HAVCR1: variants seen among roughly 807,000 people sequenced by gnomAD.
HAVCR1 encodes hepatitis A virus cellular receptor 1, also known as T cell immunoglobin domain and mucin domain protein 1.
HAVCR1 carries 34 observed loss-of-function variants against 32.0 expected under a neutral mutation model. The ratio of observed to expected loss-of-function variants is 1.06; its 90% confidence interval spans 0.81 to 1.42. HAVCR1 has a LOEUF of 1.42. Ranked by LOEUF, HAVCR1 falls within the 40% of genes most tolerant of loss-of-function variation. The pLI is 0.00. For missense variants in HAVCR1, 420 were observed against 442.3 expected (o/e 0.95, Z 0.45); for synonymous variants, 178 against 170.3 (o/e 1.05, Z -0.35).
At chr5:157,058,505 C>T (rs1351106700) in intron 1 of HAVCR1, 3 of 152,588 alleles carry the variant, frequency 2.0e-5, no homozygotes, top group Non-Finnish European at 2.9e-5. Context: ...GCGGAGCTTG[C>T]GGTGAGCCGA....
the HAVCR1 span, among the ~76,000 whole-genome samples, chr5:157,068,746 G>A: frequency 5.3e-5 from 8 of 151,098 alleles, no homozygotes; most frequent in East Asian, 1.4e-3. Context: ...CCCAGTAACT[G>A]AGACTGCAAG....
rs1227310282 is a variant in HAVCR1 at position 157,057,898 on chromosome 5, C to G, written c.46G>C (p.Asp16His). The G allele has an allele frequency of 1.2e-6, 2 of 1,612,744 alleles. No individual in the cohort carries two copies. The highest frequency in any genetic ancestry group is 1.7e-5 in the Admixed American group (1 of 60,004). ...VILSLILHLADSVAGSVKVGG... is the reference protein window; with the variant it reads ...VILSLILHLAHSVAGSVKVGG... ...CCGCCCAGGGCACCTACTCACTTAC[C>G]TGCCAGATGTAGGATGAGGCTTAAG... The change falls in exon 2 of 9, where the codon GAT becomes CAT. Residue 16 changes from aspartate (D) to histidine (H), a missense_variant and splice_region_variant. Coordinates refer to ENST00000523175, the MANE Select transcript of HAVCR1 (RefSeq NM_001173393.3).
intron 3 of HAVCR1, among the ~76,000 whole-genome samples, chr5:157,054,345 A>G (rs1395230815): frequency 2.0e-5 from 3 of 151,866 alleles, no homozygotes; most frequent in African/African-American, 7.3e-5. Flanking sequence ...ACTAACACAA[A>G]ATACAAAAAC....
At chr5:157,056,142 C>T (rs1315385905) in intron 2 of HAVCR1, among the ~76,000 whole-genome samples, 2 of 149,056 alleles carry the variant, frequency 1.3e-5, no homozygotes, top group Admixed American at 1.3e-4. Flanking sequence ...TAGAGACAGG[C>T]TAGTCTTGAA....
intron 1 of HAVCR1, chr5:157,058,210 C>T: frequency 2.4e-6 from 1 of 425,246 alleles, no homozygotes; most frequent in Non-Finnish European, 4.3e-6. Context: ...CAGCTTCTTC[C>T]CCACACATAA....
At chr5:157,044,615 G>GAAAGAAAGAAAGAAAGAAAGAGAAAGAA (rs760337335) in intron 5 of HAVCR1, among the ~76,000 whole-genome samples, 9 of 52,714 alleles carry the variant, frequency 1.7e-4, no homozygotes, top group East Asian at 5.4e-4. Context: ...AAGAAAGAAA[G>GAAAGAAAGAAAGAAAGAAAGAGAAAGAA]AGAAAGAAAG....
Position 157,042,569 on chromosome 5 carries a change from G to A in HAVCR1, c.837+58C>T, listed in dbSNP as rs1037663441. ...CAGACATAGTCTTTAAATGTAACTT[G>A]CTTCCAAGGAGATATACAAGTGAAT... On this transcript the variant is annotated intron_variant, in intron 6 of 8. Transcript: ENST00000523175. 31 of 1,002,842 alleles carry A rather than the reference G, an allele frequency of 3.1e-5. No homozygotes were observed. In the East Asian group the frequency reaches 7.7e-4, roughly 25 times the overall value. 62.1% of individuals were successfully genotyped at this position (1,002,842 alleles called of 1,614,324 possible).
chr5:157,037,464 C>T lies in HAVCR1; in HGVS notation c.838-103G>A, dbSNP rs1754608014. On this transcript the variant is annotated intron_variant, in intron 6 of 8. Transcript: ENST00000523175. Reference sequence around the variant, plus strand: ...CCAGCCACATTTACCTGTATTGGTGCTTGGGGACTTCTGGAACATAAGGGT... The same window carrying T: ...CCAGCCACATTTACCTGTATTGGTGTTTGGGGACTTCTGGAACATAAGGGT... 7.8e-6 allele frequency: 5 copies of T among 641,656 alleles called. No homozygotes were observed. The Admixed American group carries it at 1.1e-4, about 14-fold the overall frequency. 39.7% of individuals were successfully genotyped at this position (641,656 alleles called of 1,614,324 possible).
At chr5:157,046,413 C>T (rs1755399535) in intron 5 of HAVCR1, among the ~76,000 whole-genome samples, 1 of 152,142 alleles carries the variant, frequency 6.6e-6, no homozygotes, top group African/African-American at 2.4e-5. Context: ...TTCTCCATCA[C>T]AAGGAAAGAC....
chr5:157,057,415 GAAAGAAAGA>G (rs1756254997), intron 2 of HAVCR1, among the ~76,000 whole-genome samples: 1 of 130,812 alleles, frequency 7.6e-6, no homozygotes, highest in African/African-American at 2.8e-5. Context: ...AAGAAAGAAA[GAAAGAAAGA>G]AAGAAAGAAA....
chr5:157,052,559 TCATTGGAACAGTCG>T lies in HAVCR1; in HGVS notation c.461_474del (p.Thr154AsnfsTer65). 5 of 250,876 alleles carry T rather than the reference TCATTGGAACAGTCG, an allele frequency of 2.0e-5. No individual in the cohort carries two copies. The highest frequency in any genetic ancestry group is 2.8e-5 in the Non-Finnish European group (5 of 177,676). 15.5% of individuals were successfully genotyped at this position (250,876 alleles called of 1,614,324 possible). ...GGAACAGTTGTCGTTGGAACAGTCG[TCATTGGAACAGTCG>T]TTGTCGTTGGAACAGTGGTGCTCGT... On this transcript the variant is annotated frameshift_variant, in exon 4 of 9. Transcript: ENST00000523175. LOFTEE classifies it high-confidence loss of function.
At chr5:157,032,708 A>T (rs1215885190) in intron 8 of HAVCR1, 146 bp downstream of exon 8, 9 of 637,446 alleles carry the variant, frequency 1.4e-5, no homozygotes. Context: ...TATCACTGGA[A>T]GGTGTAAATA....
chr5:157,045,100 C>T (rs138901880), intron 5 of HAVCR1, among the ~76,000 whole-genome samples: 164 of 151,990 alleles, frequency 1.1e-3, no homozygotes, highest in African/African-American at 3.7e-3. Flanking sequence ...GATATACATA[C>T]CTATGATAAA....
At position 157,055,360 on chromosome 5, in the gene HAVCR1, C is replaced by T; in HGVS notation, c.220G>A (p.Asp74Asn). ...TNGTHVTYRK[D>N]TRYKLLGDLS... ...TCCCCCAATAGCTTATAGCGTGTGT[C>T]CTTCCGATAGGTGACGTGGGTTCCA... Residue 74 changes from aspartate (D) to asparagine (N), a missense_variant, in exon 3 of 9, where the codon GAC becomes AAC. Transcript: ENST00000523175. 6.2e-7 allele frequency: 1 copy of T among 1,613,928 alleles called. No homozygotes were observed. The highest frequency in any genetic ancestry group is 8.5e-7 in the Non-Finnish European group (1 of 1,179,800).
chr5:157,049,481 G>A (rs1201053723), intron 4 of HAVCR1, among the ~76,000 whole-genome samples: 1 of 152,130 alleles, frequency 6.6e-6, no homozygotes, highest in East Asian at 1.9e-4. Flanking sequence ...AATAGACAAA[G>A]CCAACAACAG....
chr5:157,042,515 G>GA (rs1367636106), intron 6 of HAVCR1, 112 bp downstream of exon 6: 1,315 of 531,676 alleles, frequency 2.5e-3, no homozygotes, highest in South Asian at 4.0e-3. Context: ...TTTTTAAGAA[G>GA]AAAAAAAAAA....
chr5:157,033,087 C>T (rs1186061402), intron 7 of HAVCR1, among the ~76,000 whole-genome samples, 200 bp from the exon 8 acceptor site: 1 of 152,094 alleles, frequency 6.6e-6, no homozygotes, highest in East Asian at 1.9e-4. Context: ...ATCTCAATTT[C>T]ATTAATGGTT....
intron 5 of HAVCR1, among the ~76,000 whole-genome samples, chr5:157,047,213 C>G (rs1047007835): frequency 6.6e-6 from 1 of 152,070 alleles, no homozygotes; most frequent in Non-Finnish European, 1.5e-5. Flanking sequence ...GAGTCCTTCC[C>G]TGTGCCCCTG....
chr5:157,033,966 T>C (rs1754337614), intron 7 of HAVCR1, among the ~76,000 whole-genome samples: 2 of 152,122 alleles, frequency 1.3e-5, no homozygotes, highest in African/African-American at 2.4e-5. Context: ...GGCAGGAGAA[T>C]TGCTTGAACC....
Sources: gnomAD v4.1 joint callset for allele counts (sites outside exome capture counted in the v4.1 genomes callset) on GRCh38, gnomAD v4.1.1 for gene constraint, MANE v1.5 for transcripts, NCBI Gene and HGNC (gene_info 2026-07-23, HGNC 2026-07-21) for gene names.